The following TNS1 variants were observed in gnomAD, a reference collection of about 807,000 sequenced individuals.
TNS1 encodes the protein tensin 1.
A neutral mutation model predicts 168.6 loss-of-function variants in TNS1; 62 were observed. That is an observed-to-expected ratio of 0.37 (90% CI 0.30 to 0.45). The LOEUF (loss-of-function observed/expected upper bound fraction) is 0.45, where lower values mean the gene tolerates loss of function less well. Among genes scored for constraint, TNS1 ranks in the 20% least tolerant of loss-of-function variants. The pLI is 1.00. For missense variants in TNS1, 2,240 were observed against 2,339.4 expected, an observed-to-expected ratio of 0.96 and a Z score of 0.88; for synonymous variants, 934 against 933.2, an observed-to-expected ratio of 1.00 and a Z score of -0.02.
At chr2:217,938,369 C>T (rs905381968) in intron 3 of TNS1, among the ~76,000 whole-genome samples, 2 of 152,158 alleles carry the variant, frequency 1.3e-5, no homozygotes, top group Non-Finnish European at 2.9e-5. Context: ...AGGGCAGAGG[C>T]CTGGGACAGA....
At chr2:217,872,841 C>T (rs186572778) in intron 18 of TNS1, among the ~76,000 whole-genome samples, 1 of 152,284 alleles carries the variant, frequency 6.6e-6, no homozygotes, top group East Asian at 1.9e-4. Flanking sequence ...GTATGGCCTA[C>T]AATAGAATAT....
intron 8 of TNS1, among the ~76,000 whole-genome samples, chr2:217,896,937 T>G (rs1952373112): frequency 6.6e-6 from 1 of 152,234 alleles, no homozygotes; most frequent in Non-Finnish European, 1.5e-5. Context: ...TTATTTGTAT[T>G]GTTTTTTATT....
chr2:218,016,230 G>A (rs909413181), intron 1 of TNS1, among the ~76,000 whole-genome samples: 1 of 152,176 alleles, frequency 6.6e-6, no homozygotes, highest in Non-Finnish European at 1.5e-5. Context: ...GTTGGGTTGA[G>A]AGGCACAAGG....
intron 3 of TNS1, chr2:217,937,208 A>C (rs1956658961): frequency 2.8e-6 from 1 of 362,580 alleles, no homozygotes; most frequent in African/African-American, 2.1e-5. Context: ...CCCCCACTAG[A>C]TCGTGTCTCC....
chr2:217,873,428 G>A (rs1471595619), intron 18 of TNS1, among the ~76,000 whole-genome samples: 2 of 152,286 alleles, frequency 1.3e-5, no homozygotes, highest in Non-Finnish European at 2.9e-5. Context: ...AGGTACCTGC[G>A]GGCGCATGGA....
chr2:217,963,799 T>C (rs192535276), intron 3 of TNS1, among the ~76,000 whole-genome samples: 3 of 148,144 alleles, frequency 2.0e-5, no homozygotes, highest in Non-Finnish European at 4.5e-5. Flanking sequence ...ATCCTAGCAC[T>C]TTGGAAGGCC....
chr2:217,861,095 C>G (rs1007207061), intron 18 of TNS1, among the ~76,000 whole-genome samples: 2 of 152,196 alleles, frequency 1.3e-5, no homozygotes, highest in African/African-American at 4.8e-5. Flanking sequence ...TAGCTGTACT[C>G]AAATTCTTCC....
rs774595171 is a variant in TNS1 at position 217,848,078 on chromosome 2, G to T, written c.2439C>A (p.Thr813=). 1.9e-6 allele frequency: 3 copies of T among 1,548,604 alleles called. No individual in the cohort carries two copies. The highest frequency in any genetic ancestry group is 2.6e-6 in the Non-Finnish European group (3 of 1,147,442). ...GGAACTCAGGGAGACTGGGGATGGG[G>T]GTCTCTGCCAATGGCTGAGGGCTGG... The part of the protein sequence containing the change: ...SRPSPQPLAE[T]PIPSLPEFPR... Residue 813 remains threonine (T), a synonymous_variant, in exon 19 of 33, where the codon ACC becomes ACA. Coordinates refer to ENST00000682258, the MANE Select transcript of TNS1 (RefSeq NM_001387777.1).
chr2:217,883,734 G>T (rs1323217743), intron 16 of TNS1, among the ~76,000 whole-genome samples: 1 of 152,086 alleles, frequency 6.6e-6, no homozygotes, highest in Non-Finnish European at 1.5e-5. Flanking sequence ...TTTACATTCT[G>T]TACTGTAATT....
chr2:218,026,101 A>C lies in TNS1; in HGVS notation c.156+7719T>G, dbSNP rs183691642. On this transcript the variant is annotated intron_variant, in intron 1 of 1. Coordinates refer to the TNS1 transcript ENST00000649572. The stretch of plus-strand genomic sequence containing the variant: ...AGAGGAGTTAAACTAAATCCCTTAG[A>C]TAATGACACCACCAGGAATAACATC... 4.7e-4 allele frequency among the ~76,000 whole-genome samples: 72 copies of C among 152,340 alleles called. 1 individual carries two copies. Among genetic ancestry groups the C allele is most frequent in the Middle Eastern group, 3.4e-3 (1 of 294 alleles).
chr2:217,945,087 G>A lies in TNS1; in HGVS notation c.187-24851C>T, dbSNP rs112069293. Among the ~76,000 whole-genome samples the A allele has an allele frequency of 9.0e-3, 1,368 of 152,278 alleles. 17 individuals carry two copies. The highest frequency in any genetic ancestry group is 0.031 in the African/African-American group (1,296 of 41,538). The stretch of plus-strand genomic sequence containing the variant: ...GTGGAAGTCCAAGCAGGACTGTGCG[G>A]AGGACCTCACACCTGAACCTGGCTG... On this transcript the variant is annotated intron_variant, in intron 3 of 32. Coordinates refer to ENST00000682258, the MANE Select transcript of TNS1 (RefSeq NM_001387777.1).
At chr2:218,017,277 A>G (rs1199082170) in intron 1 of TNS1, among the ~76,000 whole-genome samples, 1 of 152,168 alleles carries the variant, frequency 6.6e-6, no homozygotes, top group Admixed American at 6.5e-5. Context: ...GGCACATTCT[A>G]TGCTCACTCT....
Position 217,804,053 on chromosome 2 carries a change from C to CA in TNS1, c.*405dup, listed in dbSNP as rs1222244101. ...ATTCTCCCAGCTTGATTTCCCCTTG[C>CA]AAAGCAGTTGAGTTAGGGAGACAGA... On this transcript the variant is annotated 3_prime_UTR_variant, in exon 33 of 33. Transcript: ENST00000682258. 6.3e-6 allele frequency: 1 copy of CA among 157,606 alleles called. No individual in the cohort carries two copies. Among genetic ancestry groups the CA allele is most frequent in the Non-Finnish European group, 1.4e-5 (1 of 71,668 alleles). 9.8% of individuals were successfully genotyped at this position (157,606 alleles called of 1,614,324 possible). A position where few individuals can be genotyped will look rare whatever the true frequency, so the allele number is the denominator to read the frequency against.
Position 217,848,359 on chromosome 2 carries a change from C to T in TNS1, c.2158G>A (p.Gly720Arg), listed in dbSNP as rs980102459. Residue 720 changes from glycine to arginine, a missense_variant, in exon 19 of 33, where the codon GGG becomes AGG. Physicochemically the swap from Gly to Arg is moderately radical, Grantham distance 125. This residue lies in a region of TNS1 where 2,131 missense variants were observed against 2,171.2 expected (regional missense o/e 0.98). Coordinates refer to ENST00000682258, the MANE Select transcript of TNS1 (RefSeq NM_001387777.1). Reference protein sequence around the residue: ...QEGLAGYQREGPHPAWPQPVT... With the variant: ...QEGLAGYQRERPHPAWPQPVT... ...GGCTGTGGCCAGGCTGGGTGGGGCC[C>T]CTCCCTCTGGTAGCCAGCTAAACCC... is the stretch of plus-strand genomic sequence containing the variant. The T allele has an allele frequency of 6.5e-7, 1 of 1,541,050 alleles. No homozygotes were observed. Among genetic ancestry groups the T allele is most frequent in the Non-Finnish European group, 8.8e-7 (1 of 1,141,742 alleles).
chr2:217,882,484 G>C, intron 16 of TNS1, 73 bp from the exon 17 acceptor site: 1 of 1,005,744 alleles, frequency 9.9e-7, no homozygotes, highest in Non-Finnish European at 1.5e-6. Context: ...TTTTCTTCTA[G>C]AAAAAATTAA....
chr2:217,975,315 A>C (rs916193455), intron 3 of TNS1, among the ~76,000 whole-genome samples: 6 of 151,898 alleles, frequency 4.0e-5, no homozygotes, highest in African/African-American at 1.4e-4. Flanking sequence ...CACCCCCAAC[A>C]TCCTGACCCC....
rs757859898 is a variant in TNS1 at position 217,893,459 on chromosome 2, C to T, written c.697G>A (p.Val233Ile). 7 of 1,608,902 alleles carry T rather than the reference C, an allele frequency of 4.4e-6. No homozygotes were observed. The highest frequency in any genetic ancestry group is 4.0e-5 in the African/African-American group (3 of 74,776). The change falls in exon 10 of 33, where the codon GTC becomes ATC. Residue 233 changes from valine to isoleucine, a missense_variant. By Grantham distance (29) the Val-to-Ile change is conservative. This residue lies in a region of TNS1 where 2,131 missense variants were observed against 2,171.2 expected (regional missense o/e 0.98). Coordinates refer to ENST00000682258, the MANE Select transcript of TNS1 (RefSeq NM_001387777.1). ...CTGACCTTGTTGTGTAGAACAACGA[C>T]ATTGTGAGGGTCTGCATTGAGCCAT... Reference protein sequence around the residue: ...DTWLNADPHNVVVLHNKGNRG... With the variant: ...DTWLNADPHNIVVLHNKGNRG...
At chr2:217,873,433 C>T (rs1217632519) in intron 18 of TNS1, among the ~76,000 whole-genome samples, 1 of 152,138 alleles carries the variant, frequency 6.6e-6, no homozygotes, top group Non-Finnish European at 1.5e-5. Flanking sequence ...CCTGCGGGCG[C>T]ATGGAGGATG....
chr2:217,988,076 C>T (rs1423786485), intron 2 of TNS1, among the ~76,000 whole-genome samples: 5 of 152,204 alleles, frequency 3.3e-5, no homozygotes, highest in Admixed American at 3.3e-4. Context: ...CTCCCTTCTC[C>T]CTATCTGGGC....
Sources: gnomAD v4.1 joint callset for allele counts (sites outside exome capture counted in the v4.1 genomes callset) on GRCh38, gnomAD v4.1.1 for gene constraint, gnomAD v4.1.1 regional missense constraint, MANE v1.5 for transcripts, NCBI Gene and HGNC (gene_info 2026-07-23, HGNC 2026-07-21) for gene names.